HHAT: variants seen among roughly 807,000 people sequenced by gnomAD.
HHAT encodes the protein hedgehog acyltransferase.
Under a neutral mutation model 70.8 loss-of-function variants are expected in HHAT, and 47 were observed. The ratio of observed to expected loss-of-function variants is 0.66; its 90% CI spans 0.53 to 0.85. The LOEUF (loss-of-function observed/expected upper bound fraction) is 0.85. Ranked by LOEUF, HHAT falls within the 40% of genes least tolerant of loss-of-function variation. HHAT has a pLI of 0.00. For synonymous variants in HHAT, 228 were observed against 247.6 expected, an observed-to-expected ratio of 0.92 and a Z score of 0.74; for missense variants, 609 against 604.8, an observed-to-expected ratio of 1.01 and a Z score of -0.07.
At chr1:210,560,851 A>AAAAAAAC (rs2095616641) in intron 9 of HHAT, among the ~76,000 whole-genome samples, 1 of 129,538 alleles carries the variant, frequency 7.7e-6, no homozygotes, top group African/African-American at 2.8e-5. Flanking sequence ...AAAAAAAAAA[A>AAAAAAAC]CCAGAGTAGA....
At chr1:210,598,303 C>A (rs1051919545) in intron 10 of HHAT, among the ~76,000 whole-genome samples, 1 of 151,910 alleles carries the variant, frequency 6.6e-6, no homozygotes, top group East Asian at 1.9e-4. Context: ...GGTTGGGGGA[C>A]GGGTGATGCA....
intron 7 of HHAT, among the ~76,000 whole-genome samples, chr1:210,432,008 G>T (rs755625138): frequency 2.6e-4 from 39 of 151,806 alleles, no homozygotes; most frequent in Admixed American, 3.9e-4. Context: ...CCATTTTGCA[G>T]TCCTATTCTA....
chr1:210,399,977 G>C (rs1242838817), intron 4 of HHAT, among the ~76,000 whole-genome samples: 2 of 152,104 alleles, frequency 1.3e-5, no homozygotes, highest in Admixed American at 1.3e-4. Flanking sequence ...AAAATCTCTG[G>C]CTTAGACTTT....
At chr1:210,467,210 C>A (rs1009662570) in intron 8 of HHAT, among the ~76,000 whole-genome samples, 7 of 152,132 alleles carry the variant, frequency 4.6e-5, no homozygotes, top group Non-Finnish European at 7.3e-5. Flanking sequence ...CCATTCCATA[C>A]TAAGTAGTTA....
At chr1:210,665,412 G>A (rs1011653369) in intron 11 of HHAT, among the ~76,000 whole-genome samples, 2 of 152,110 alleles carry the variant, frequency 1.3e-5, no homozygotes, top group African/African-American at 4.8e-5. Flanking sequence ...TCACTGGGGG[G>A]ACATTACTCT....
At chr1:210,491,509 G>A (rs781476936) in intron 8 of HHAT, among the ~76,000 whole-genome samples, 1 of 152,162 alleles carries the variant, frequency 6.6e-6, no homozygotes, top group Admixed American at 6.5e-5. Flanking sequence ...CCTTGGGCAA[G>A]TTATTATTTC....
At chr1:210,349,218 G>T (rs1179709520) in intron 2 of HHAT, 152 bp downstream of exon 2, 1 of 797,236 alleles carries the variant, frequency 1.3e-6, no homozygotes, top group East Asian at 2.7e-5. Context: ...GTTTGAATCA[G>T]TGACCTGAGT....
At chr1:210,330,200 C>T (rs1465010077) in intron 1 of HHAT, among the ~76,000 whole-genome samples, 2 of 152,142 alleles carry the variant, frequency 1.3e-5, no homozygotes, top group African/African-American at 4.8e-5. Flanking sequence ...CCTCATGTTC[C>T]ATTTTCCCTG....
At chr1:210,620,838 C>G (rs889620352) in intron 10 of HHAT, among the ~76,000 whole-genome samples, 10 of 151,342 alleles carry the variant, frequency 6.6e-5, no homozygotes, top group African/African-American at 2.2e-4. Context: ...AGTTGCCCCC[C>G]CTCTCCTTCC....
chr1:210,542,316 ACCC>A (rs2095438217), intron 9 of HHAT, among the ~76,000 whole-genome samples: 1 of 151,938 alleles, frequency 6.6e-6, no homozygotes, highest in Admixed American at 6.6e-5. Flanking sequence ...CTAAACTGTT[ACCC>A]CTGGCTTACC....
At chr1:210,633,315 C>G (rs1671236441) in intron 11 of HHAT, among the ~76,000 whole-genome samples, 1 of 152,210 alleles carries the variant, frequency 6.6e-6, no homozygotes, top group Non-Finnish European at 1.5e-5. Flanking sequence ...GGCATGGGCC[C>G]TAGGACAGAC....
chr1:210,544,391 T>TTGTTTTTTTTTTTTTTTTTTTTTTTTG (rs773490978), intron 9 of HHAT, among the ~76,000 whole-genome samples: 2 of 99,288 alleles, frequency 2.0e-5, no homozygotes, highest in South Asian at 3.7e-4. Flanking sequence ...TTTTTTTTTT[T>TTGTTTTTTTTTTTTTTTTTTTTTTTTG]GACACAGTTT....
At chr1:210,495,952 A>C (rs1351167235) in intron 8 of HHAT, among the ~76,000 whole-genome samples, 3 of 144,004 alleles carry the variant, frequency 2.1e-5, no homozygotes, top group Non-Finnish European at 4.5e-5. Flanking sequence ...CAGAGGTTGC[A>C]GTGAACCAAG....
intron 1 of HHAT, among the ~76,000 whole-genome samples, chr1:210,347,970 T>A (rs1183563270): frequency 2.0e-5 from 3 of 152,346 alleles, no homozygotes; most frequent in Non-Finnish European, 4.4e-5. Flanking sequence ...GAGGAAATTT[T>A]AATTGATGTG....
chr1:210,537,156 C>T (rs1429727937), intron 9 of HHAT, among the ~76,000 whole-genome samples: 1 of 152,064 alleles, frequency 6.6e-6, no homozygotes, highest in Non-Finnish European at 1.5e-5. Context: ...ACAAAATAAA[C>T]ACTGAAAAGT....
At chr1:210,463,506 A>G (rs927497477) in intron 7 of HHAT, among the ~76,000 whole-genome samples, 14 of 152,290 alleles carry the variant, frequency 9.2e-5, no homozygotes, top group African/African-American at 3.1e-4. Flanking sequence ...TTTATGGTCT[A>G]TTGTATGGAC....
intron 8 of HHAT, among the ~76,000 whole-genome samples, chr1:210,493,906 A>G (rs2094590324): frequency 6.6e-6 from 1 of 152,180 alleles, no homozygotes; most frequent in Admixed American, 6.5e-5. Flanking sequence ...TTATCATCAG[A>G]CATGTCTTTC....
chr1:210,664,935 C>T (rs1678569878), intron 11 of HHAT, among the ~76,000 whole-genome samples: 1 of 152,186 alleles, frequency 6.6e-6, no homozygotes, highest in Non-Finnish European at 1.5e-5. Context: ...GAGAGAGGCC[C>T]CCAAATTCAT....
intron 10 of HHAT, among the ~76,000 whole-genome samples, chr1:210,614,843 G>A (rs1667345087): frequency 6.6e-6 from 1 of 152,184 alleles, no homozygotes; most frequent in African/African-American, 2.4e-5. Flanking sequence ...CCAAGTCTTT[G>A]CTATTGTGAG....
Sources: allele counts gnomAD v4.1 joint callset (sites outside exome capture counted in the v4.1 genomes callset), GRCh38; gene constraint gnomAD v4.1.1; transcripts MANE v1.5; gene names NCBI Gene and HGNC (gene_info 2026-07-23, HGNC 2026-07-21).